RNF169: variants seen among roughly 807,000 people sequenced by gnomAD.
RNF169 encodes ring finger protein 169.
A neutral mutation model predicts 53.9 loss-of-function variants in RNF169; 24 were observed. The observed-to-expected ratio is 0.45, with a 90% confidence interval of 0.32 to 0.63. RNF169 has a LOEUF of 0.63. Among genes scored for constraint, RNF169 ranks in the 20% least tolerant of loss-of-function variants. RNF169 has a pLI of 0.04. For synonymous variants in RNF169, 396 were observed against 363.5 expected (o/e 1.09, Z -1.02); for missense variants, 883 against 906.2 (o/e 0.97, Z 0.33).
intron 3 of RNF169, among the ~76,000 whole-genome samples, chr11:74,815,282 G>A (rs917473532): frequency 3.3e-5 from 5 of 151,990 alleles, no homozygotes; most frequent in East Asian, 3.9e-4. Flanking sequence ...GGCGCTGGGC[G>A]CGGTGGCTCA....
chr11:74,766,985 A>AT (rs2035184230), intron 1 of RNF169, among the ~76,000 whole-genome samples: 1 of 152,118 alleles, frequency 6.6e-6, no homozygotes, highest in Non-Finnish European at 1.5e-5. Flanking sequence ...ACAGATTTTT[A>AT]TTTTTTGTCT....
chr11:74,787,249 C>T (rs753392401), intron 1 of RNF169, among the ~76,000 whole-genome samples: 4 of 152,034 alleles, frequency 2.6e-5, no homozygotes, highest in Middle Eastern at 3.2e-3. Context: ...ACAAAGTCAA[C>T]ACAATTGATA....
chr11:74,802,959 C>T (rs994204938), intron 2 of RNF169, among the ~76,000 whole-genome samples: 6 of 151,970 alleles, frequency 3.9e-5, no homozygotes, highest in Non-Finnish European at 1.5e-5. Flanking sequence ...CTTGCTCTGT[C>T]GCCCAGGCTG....
At chr11:74,824,265 T>G (rs1487105662) in intron 4 of RNF169, among the ~76,000 whole-genome samples, 2 of 152,110 alleles carry the variant, frequency 1.3e-5, no homozygotes, top group Non-Finnish European at 2.9e-5. Flanking sequence ...CAGAACAGAT[T>G]TGAACAGGCA....
intron 2 of RNF169, among the ~76,000 whole-genome samples, chr11:74,798,996 G>T (rs1254273501): frequency 6.6e-6 from 1 of 150,852 alleles, no homozygotes; most frequent in Non-Finnish European, 1.5e-5. Context: ...TGAGGCTGCA[G>T]TGAGTCGTGA....
chr11:74,776,511 C>CAAAAAAAAAA, intron 1 of RNF169, among the ~76,000 whole-genome samples: 1 of 82,030 alleles, frequency 1.2e-5, no homozygotes, highest in Non-Finnish European at 2.4e-5. Context: ...TTCATTCAGC[C>CAAAAAAAAAA]AAAAAAAAAA....
intron 3 of RNF169, among the ~76,000 whole-genome samples, chr11:74,812,227 T>C (rs1259792196): frequency 6.6e-6 from 1 of 152,156 alleles, no homozygotes; most frequent in Non-Finnish European, 1.5e-5. Flanking sequence ...ATCTGACCTA[T>C]GAATGTGTCA....
intron 2 of RNF169, among the ~76,000 whole-genome samples, chr11:74,800,937 C>T (rs1301465147): frequency 6.6e-6 from 1 of 152,144 alleles, no homozygotes; most frequent in African/African-American, 2.4e-5. Context: ...TGGATGCCTG[C>T]AATTCATTTT....
chr11:74,796,058 T>A (rs2035645024), intron 2 of RNF169, among the ~76,000 whole-genome samples: 1 of 152,254 alleles, frequency 6.6e-6, no homozygotes, highest in South Asian at 2.1e-4. Flanking sequence ...ATTTCCTTGA[T>A]TACTACAGAG....
chr11:74,785,941 C>CTTTTTTTTTTTTTTT (rs796451609), intron 1 of RNF169, among the ~76,000 whole-genome samples: 1 of 130,224 alleles, frequency 7.7e-6, no homozygotes, highest in Non-Finnish European at 1.6e-5. Flanking sequence ...GTTTTCTTTT[C>CTTTTTTTTTTTTTTT]TTTTTTTTTT....
At chr11:74,761,213 G>A (rs1240465533) in intron 1 of RNF169, among the ~76,000 whole-genome samples, 32 of 144,136 alleles carry the variant, frequency 2.2e-4, no homozygotes, top group Admixed American at 7.7e-4. Flanking sequence ...GTCTCTGCAC[G>A]TGAGATGGGT....
chr11:74,750,074 G>C (rs1232503705), intron 1 of RNF169, among the ~76,000 whole-genome samples: 6 of 152,180 alleles, frequency 3.9e-5, no homozygotes, highest in African/African-American at 1.4e-4. Flanking sequence ...GGCAGGGGCT[G>C]CTTCTATCTC....
At chr11:74,828,643 A>T (rs985669920) in intron 4 of RNF169, among the ~76,000 whole-genome samples, 1 of 152,328 alleles carries the variant, frequency 6.6e-6, no homozygotes, top group East Asian at 1.9e-4. Context: ...TGATACAAGA[A>T]CAGACAGACC....
At position 74,836,990 on chromosome 11, in the gene RNF169, G is replaced by C. The variant is rs1039115887; in HGVS notation, c.*260G>C. The C allele has an allele frequency of 5.2e-6, 2 of 384,180 alleles. No individual in the cohort carries two copies. The highest frequency in any genetic ancestry group is 4.3e-5 in the Admixed American group (1 of 23,314). The allele number at this position is 384,180 out of a possible 1,614,324, so 23.8% of individuals were successfully genotyped here. A position where few individuals can be genotyped will look rare whatever the true frequency, so the allele number is the denominator to read the frequency against. ...CAGCACCCACTGGGAATGAGATTTG[G>C]AACGGCCTCAGGAGCATAATGGCCA... On this transcript the variant is annotated 3_prime_UTR_variant, in exon 6 of 6. Transcript: ENST00000299563.
chr11:74,784,495 C>T (rs1423416369), intron 1 of RNF169, among the ~76,000 whole-genome samples: 2 of 152,156 alleles, frequency 1.3e-5, no homozygotes, highest in Non-Finnish European at 2.9e-5. Context: ...CTGGGGAAAA[C>T]CCATCACAAG....
At chr11:74,833,375 G>T (rs921000618) in intron 4 of RNF169, among the ~76,000 whole-genome samples, 1 of 152,208 alleles carries the variant, frequency 6.6e-6, no homozygotes, top group Admixed American at 6.5e-5. Flanking sequence ...ATCATTTGAA[G>T]AAATAATTTC....
chr11:74,825,735 A>G (rs996644823), intron 4 of RNF169, among the ~76,000 whole-genome samples: 1 of 152,262 alleles, frequency 6.6e-6, no homozygotes, highest in Non-Finnish European at 1.5e-5. Flanking sequence ...ATAAACATCA[A>G]TGCAAAAGTC....
intron 1 of RNF169, among the ~76,000 whole-genome samples, chr11:74,757,804 A>C: frequency 1.5e-5 from 1 of 64,910 alleles, no homozygotes; most frequent in African/African-American, 8.5e-5. Context: ...TTCTTTTGAG[A>C]AGTGTCTGTT....
intron 4 of RNF169, among the ~76,000 whole-genome samples, chr11:74,820,665 C>T (rs1351713036): frequency 6.6e-6 from 1 of 151,892 alleles, no homozygotes; most frequent in Admixed American, 6.6e-5. Flanking sequence ...TGTTTACCAG[C>T]CTGCTTATTA....
Sources: allele counts gnomAD v4.1 joint callset (sites outside exome capture counted in the v4.1 genomes callset), GRCh38; gene constraint gnomAD v4.1.1; transcripts MANE v1.5; gene names NCBI Gene and HGNC (gene_info 2026-07-23, HGNC 2026-07-21).